Variants in TSPAN5 observed in about 807,000 individuals in gnomAD.
TSPAN5 encodes the protein tetraspanin 5, also known as tetraspanin-5.
In TSPAN5, 10 loss-of-function variants were observed where a neutral mutation model predicts 37.1. That is an observed-to-expected ratio of 0.27 (90% CI 0.17 to 0.46). The LOEUF is 0.46. Among genes scored for constraint, TSPAN5 ranks in the 20% least tolerant of loss-of-function variants. TSPAN5 has a pLI of 1.00. For synonymous variants in TSPAN5, 110 were observed against 118.9 expected (o/e 0.93, Z 0.48); for missense variants, 195 against 326.6 (o/e 0.60, Z 3.11).
chr4:98,568,540 C>A (rs1215102414), intron 1 of TSPAN5, among the ~76,000 whole-genome samples: 1 of 151,870 alleles, frequency 6.6e-6, no homozygotes. Context: ...CCACCCCCAG[C>A]CCACCACCAA....
At chr4:98,624,428 GA>G (rs969667693) in intron 1 of TSPAN5, among the ~76,000 whole-genome samples, 4 of 150,514 alleles carry the variant, frequency 2.7e-5, no homozygotes, top group African/African-American at 4.9e-5. Context: ...TTTCCCAGAG[GA>G]AAAAAAAATA....
At chr4:98,643,181 T>G (rs1042575481) in intron 1 of TSPAN5, among the ~76,000 whole-genome samples, 1 of 152,222 alleles carries the variant, frequency 6.6e-6, no homozygotes, top group Non-Finnish European at 1.5e-5. Context: ...ACCTTGTGTA[T>G]GTTTAGATAC....
intron 1 of TSPAN5, chr4:98,560,032 T>TA (rs1228113463): frequency 6.6e-6 from 1 of 152,206 alleles, no homozygotes; most frequent in Non-Finnish European, 1.5e-5. Flanking sequence ...CACAACATCT[T>TA]AAAGTGGAAA....
chr4:98,586,143 C>T (rs1335027584), intron 1 of TSPAN5, among the ~76,000 whole-genome samples: 1 of 152,156 alleles, frequency 6.6e-6, no homozygotes, highest in Non-Finnish European at 1.5e-5. Context: ...CCAGTGCTGC[C>T]AAATGTACCA....
chr4:98,568,014 G>A (rs185258065), intron 1 of TSPAN5, among the ~76,000 whole-genome samples: 1 of 152,062 alleles, frequency 6.6e-6, no homozygotes, highest in Non-Finnish European at 1.5e-5. Context: ...AATAATACAT[G>A]CACACTGCTT....
intron 1 of TSPAN5, among the ~76,000 whole-genome samples, chr4:98,609,103 C>A (rs1264255570): frequency 6.6e-6 from 1 of 151,860 alleles, no homozygotes; most frequent in Non-Finnish European, 1.5e-5. Flanking sequence ...AGGGTAGTAA[C>A]AGGAATGGAT....
chr4:98,532,297 C>G (rs969542559), intron 1 of TSPAN5, among the ~76,000 whole-genome samples: 1 of 152,164 alleles, frequency 6.6e-6, no homozygotes, highest in Non-Finnish European at 1.5e-5. Context: ...GCCATTTTGA[C>G]AATATTGATT....
intron 1 of TSPAN5, among the ~76,000 whole-genome samples, chr4:98,584,487 C>T (rs113882578): frequency 2.6e-5 from 4 of 152,276 alleles, no homozygotes; most frequent in African/African-American, 9.6e-5. Flanking sequence ...ACTGTCAGTG[C>T]TTGAGTCAGC....
intron 1 of TSPAN5, among the ~76,000 whole-genome samples, chr4:98,533,543 CTTTTTT>C (rs576852948): frequency 0.058 from 3,399 of 58,590 alleles, 116 homozygotes; most frequent in Middle Eastern, 0.1. Context: ...TCCCCTATAT[CTTTTTT>C]TTTTTTTTTT....
chr4:98,618,489 G>T (rs1756398558), intron 1 of TSPAN5, among the ~76,000 whole-genome samples: 1 of 152,154 alleles, frequency 6.6e-6, no homozygotes, highest in Non-Finnish European at 1.5e-5. Context: ...AACTAATATT[G>T]ATTGAGCTTC....
chr4:98,485,611 G>C (rs1752942573), intron 3 of TSPAN5: 1 of 152,042 alleles, frequency 6.6e-6, no homozygotes, highest in Admixed American at 6.5e-5. Flanking sequence ...CTCCGAGACA[G>C]AGCTGCTCAG....
At chr4:98,606,795 C>G (rs906987145) in intron 1 of TSPAN5, among the ~76,000 whole-genome samples, 8 of 152,126 alleles carry the variant, frequency 5.3e-5, no homozygotes, top group Admixed American at 5.2e-4. Context: ...GGTAAAGAAA[C>G]GTCATTTGGT....
At chr4:98,541,181 C>T (rs568710646) in intron 1 of TSPAN5, among the ~76,000 whole-genome samples, 23 of 152,286 alleles carry the variant, frequency 1.5e-4, no homozygotes, top group African/African-American at 5.1e-4. Context: ...AAAACCACAT[C>T]GCTAGACCCT....
At chr4:98,567,239 C>T (rs912234398) in intron 1 of TSPAN5, among the ~76,000 whole-genome samples, 5 of 152,064 alleles carry the variant, frequency 3.3e-5, no homozygotes, top group Admixed American at 1.3e-4. Context: ...TCATCTAGGC[C>T]CGATGGTTCC....
At chr4:98,520,455 C>A (rs115786713) in intron 1 of TSPAN5, among the ~76,000 whole-genome samples, 1 of 152,170 alleles carries the variant, frequency 6.6e-6, no homozygotes, top group African/African-American at 2.4e-5. Flanking sequence ...TCAGGACTGG[C>A]CTGGGGGCAC....
At chr4:98,518,689 G>A (rs1753789655) in intron 1 of TSPAN5, among the ~76,000 whole-genome samples, 1 of 152,220 alleles carries the variant, frequency 6.6e-6, no homozygotes, top group Admixed American at 6.5e-5. Flanking sequence ...GCCAGACAAG[G>A]CACTAGGCAG....
At chr4:98,632,207 T>A (rs1273802254) in intron 1 of TSPAN5, among the ~76,000 whole-genome samples, 4 of 152,168 alleles carry the variant, frequency 2.6e-5, no homozygotes, top group Non-Finnish European at 4.4e-5. Flanking sequence ...CCCACTATCA[T>A]ATTCCAAAAT....
chr4:98,644,814 T>C (rs1579052444), intron 1 of TSPAN5, among the ~76,000 whole-genome samples: 2 of 152,266 alleles, frequency 1.3e-5, no homozygotes, highest in African/African-American at 4.8e-5. Flanking sequence ...ATACCTAAGA[T>C]GTAACTACTC....
intron 2 of TSPAN5, among the ~76,000 whole-genome samples, chr4:98,491,771 C>G (rs1205291170): frequency 6.6e-6 from 1 of 151,722 alleles, no homozygotes; most frequent in African/African-American, 2.4e-5. Context: ...ACTGTTCAGT[C>G]TTCTGTTGTC....
Sources: gnomAD v4.1 joint callset for allele counts (sites outside exome capture counted in the v4.1 genomes callset) on GRCh38, gnomAD v4.1.1 for gene constraint, MANE v1.5 for transcripts, NCBI Gene and HGNC (gene_info 2026-07-23, HGNC 2026-07-21) for gene names.